The following RANBP17 variants were observed in gnomAD, a reference collection of about 807,000 sequenced individuals.
RANBP17 encodes the protein ran-binding protein 17.
In RANBP17, 158 loss-of-function variants were observed where a neutral mutation model predicts 141.2. That is an observed-to-expected ratio of 1.12 (90% CI 0.98 to 1.28). RANBP17 has a LOEUF of 1.28. Among genes scored for constraint, RANBP17 ranks in the 50% most tolerant of loss-of-function variants. The pLI, the probability that RANBP17 is intolerant of heterozygous loss-of-function variation, is 0.00. For missense variants in RANBP17, 1,438 were observed against 1,290.7 expected, an observed-to-expected ratio of 1.11 and a Z score of -1.75; for synonymous variants, 430 against 450.0, an observed-to-expected ratio of 0.96 and a Z score of 0.56.
At chr5:170,865,741 G>C (rs547046116) in intron 1 of RANBP17, among the ~76,000 whole-genome samples, 48 of 152,276 alleles carry the variant, frequency 3.2e-4, no homozygotes, top group African/African-American at 1.1e-3. Context: ...CTCAGACCAA[G>C]TGCAAGTTTG....
At chr5:171,287,344 G>C (rs1768227631) in intron 25 of RANBP17, among the ~76,000 whole-genome samples, 1 of 152,140 alleles carries the variant, frequency 6.6e-6, no homozygotes, top group Admixed American at 6.5e-5. Flanking sequence ...TAGAAAAAAA[G>C]CTGGGTGTGG....
intron 25 of RANBP17, among the ~76,000 whole-genome samples, chr5:171,277,637 G>GTATGTATATGTATATATATATATATATA (rs1554127913): frequency 1.1e-3 from 61 of 56,858 alleles, no homozygotes; most frequent in East Asian, 4.4e-3. Context: ...ATATATGTAT[G>GTATGTATATGTATATATATATATATATA]TATATATATA....
intron 14 of RANBP17, among the ~76,000 whole-genome samples, chr5:171,037,526 AGAAT>A (rs1348654065): frequency 6.6e-6 from 1 of 152,214 alleles, no homozygotes; most frequent in East Asian, 1.9e-4. Flanking sequence ...ACTGATGTCC[AGAAT>A]GATGTTTCCT....
intron 14 of RANBP17, among the ~76,000 whole-genome samples, chr5:171,026,911 G>T (rs370891906): frequency 1.3e-5 from 2 of 152,134 alleles, no homozygotes; most frequent in African/African-American, 2.4e-5. Context: ...GGAGGTGAGC[G>T]GTGCGTGAGA....
chr5:171,225,724 G>T (rs1763841733), intron 22 of RANBP17, among the ~76,000 whole-genome samples: 1 of 152,190 alleles, frequency 6.6e-6, no homozygotes, highest in African/African-American at 2.4e-5. Flanking sequence ...GATCAGGGCG[G>T]TGCAGAGAGG....
intron 12 of RANBP17, among the ~76,000 whole-genome samples, chr5:170,946,940 T>C (rs1408574564): frequency 6.6e-6 from 1 of 152,214 alleles, no homozygotes; most frequent in Non-Finnish European, 1.5e-5. Flanking sequence ...AGTTTCACTT[T>C]GTTTGCTCTG....
At chr5:170,958,114 T>C (rs1354169217) in intron 13 of RANBP17, among the ~76,000 whole-genome samples, 1 of 152,178 alleles carries the variant, frequency 6.6e-6, no homozygotes, top group Non-Finnish European at 1.5e-5. Context: ...AAACCACTTG[T>C]GCCTCAGAAC....
At chr5:170,956,166 T>C (rs1457898915) in intron 13 of RANBP17, among the ~76,000 whole-genome samples, 2 of 152,124 alleles carry the variant, frequency 1.3e-5, no homozygotes, top group Non-Finnish European at 2.9e-5. Flanking sequence ...GTGGCACTTA[T>C]ATCTTACACA....
At chr5:171,277,315 C>G (rs72829421) in intron 25 of RANBP17, among the ~76,000 whole-genome samples, 18,590 of 151,656 alleles carry the variant, frequency 0.12, 1,450 homozygotes, top group East Asian at 0.21. Flanking sequence ...CTAAGACTTA[C>G]CAGACAGATC....
intron 25 of RANBP17, among the ~76,000 whole-genome samples, chr5:171,290,858 C>A (rs1581193094): frequency 1.3e-5 from 2 of 152,286 alleles, no homozygotes; most frequent in South Asian, 4.1e-4. Flanking sequence ...AGTGAAGGAG[C>A]AGTAGATTGA....
intron 20 of RANBP17, among the ~76,000 whole-genome samples, chr5:171,209,006 CCAAA>C (rs1338030266): frequency 6.6e-6 from 1 of 152,088 alleles, no homozygotes; most frequent in Non-Finnish European, 1.5e-5. Context: ...AGATACTACC[CCAAA>C]CAAAGTCAGT....
At chr5:170,872,744 AT>A (rs1561843206) in intron 1 of RANBP17, among the ~76,000 whole-genome samples, 1 of 151,858 alleles carries the variant, frequency 6.6e-6, no homozygotes, top group African/African-American at 2.4e-5. Flanking sequence ...TCTTGAAGGC[AT>A]TTTCTGCATC....
intron 14 of RANBP17, among the ~76,000 whole-genome samples, chr5:171,005,793 C>G (rs1779556998): frequency 6.6e-6 from 1 of 152,144 alleles, no homozygotes; most frequent in African/African-American, 2.4e-5. Flanking sequence ...AAACTACCAT[C>G]AGAGTGAACA....
intron 24 of RANBP17, chr5:171,252,357 T>C: frequency 6.5e-7 from 1 of 1,537,054 alleles, no homozygotes; most frequent in Non-Finnish European, 9.0e-7. Context: ...CATTAACTAA[T>C]GAAACCAGAT....
chr5:171,068,569 T>G (rs1374800512), intron 14 of RANBP17, among the ~76,000 whole-genome samples: 1 of 148,926 alleles, frequency 6.7e-6, no homozygotes, highest in Non-Finnish European at 1.5e-5. Context: ...TTACTTTCCT[T>G]TTGTTGTTGT....
intron 14 of RANBP17, among the ~76,000 whole-genome samples, chr5:171,026,104 A>C (rs531337893): frequency 1.1e-4 from 16 of 152,340 alleles, no homozygotes; most frequent in African/African-American, 3.8e-4. Context: ...TAATTATCAC[A>C]AAACCCCTGT....
intron 14 of RANBP17, among the ~76,000 whole-genome samples, chr5:171,139,186 G>T (rs1410295782): frequency 6.6e-6 from 1 of 151,980 alleles, no homozygotes; most frequent in East Asian, 1.9e-4. Context: ...AAAAAAATAG[G>T]CAGCAACTGT....
At chr5:171,282,503 A>G (rs980167172) in intron 25 of RANBP17, among the ~76,000 whole-genome samples, 2 of 150,048 alleles carry the variant, frequency 1.3e-5, no homozygotes, top group Non-Finnish European at 3.0e-5. Flanking sequence ...TTGTTGTTAG[A>G]TGGAGTTTTC....
intron 20 of RANBP17, 30 bp from the exon 21 acceptor site, chr5:171,213,601 C>A: frequency 1.3e-6 from 2 of 1,486,932 alleles, no homozygotes; most frequent in Non-Finnish European, 1.9e-6. Context: ...TTCTTTAGAC[C>A]CTTAAATTCT....
Sources: allele counts gnomAD v4.1 joint callset (sites outside exome capture counted in the v4.1 genomes callset), GRCh38; gene constraint gnomAD v4.1.1; transcripts MANE v1.5; gene names NCBI Gene and HGNC (gene_info 2026-07-23, HGNC 2026-07-21).